The following RORA variants were observed in gnomAD, a reference collection of about 807,000 sequenced individuals.
RORA encodes nuclear receptor ROR-alpha.
In RORA, 7 loss-of-function variants were observed where a neutral mutation model predicts 69.5. The ratio of observed to expected loss-of-function variants is 0.10; its 90% CI spans 0.06 to 0.19. The LOEUF is 0.19. Ranked by LOEUF, RORA falls within the 10% of genes least tolerant of loss-of-function variation. The pLI, the probability that RORA is intolerant of heterozygous loss-of-function variation, is 1.00. For synonymous variants in RORA, 261 were observed against 240.8 expected, an observed-to-expected ratio of 1.08 and a Z score of -0.78; for missense variants, 457 against 663.0, an observed-to-expected ratio of 0.69 and a Z score of 3.41.
rs1309183238 is a variant in RORA, at chr15:61,226,504, C to T, written c.166+2549G>A. Among the ~76,000 whole-genome samples, 3 of 152,204 alleles carry T rather than the reference C, an allele frequency of 2.0e-5. No individual in the cohort carries two copies. Among genetic ancestry groups the T allele is most frequent in the African/African-American group, 7.2e-5 (3 of 41,442 alleles). On this transcript the variant is annotated intron_variant, in intron 1 of 10. Coordinates refer to ENST00000335670, the MANE Select transcript of RORA (RefSeq NM_134261.3). The surrounding 1 kb of genome is among the most constrained non-coding windows in gnomAD (Gnocchi z 4.2). ...CACTCTGGGAGCCGGCTTGCATATTCTGCCAACTCCATTACATCATCTGAA... is the reference window on the plus strand; with the variant it reads ...CACTCTGGGAGCCGGCTTGCATATTTTGCCAACTCCATTACATCATCTGAA...
chr15:60,985,555 T>C (rs1374461343), intron 1 of RORA, among the ~76,000 whole-genome samples: 2 of 151,128 alleles, frequency 1.3e-5, no homozygotes, highest in Non-Finnish European at 2.9e-5. Context: ...GAAAAATTAA[T>C]CTTGTGCTAG....
chr15:60,800,654 G>A (rs896251420), intron 1 of RORA, among the ~76,000 whole-genome samples: 13 of 152,112 alleles, frequency 8.5e-5, no homozygotes, highest in African/African-American at 2.9e-4. Context: ...CCCTGAGCCC[G>A]AGTGTCCTGG....
At chr15:60,700,365 C>G (rs1306171822) in intron 1 of RORA, among the ~76,000 whole-genome samples, 2 of 152,200 alleles carry the variant, frequency 1.3e-5, no homozygotes, top group African/African-American at 4.8e-5. Context: ...TGACCATACC[C>G]CAAATCCTTG....
At chr15:60,864,987 C>T (rs1595776132) in intron 1 of RORA, among the ~76,000 whole-genome samples, 1 of 152,200 alleles carries the variant, frequency 6.6e-6, no homozygotes, top group East Asian at 1.9e-4. Context: ...CAGTAGTAGG[C>T]ATCCACTTTT....
At chr15:60,910,737 A>G (rs1192960719) in intron 1 of RORA, among the ~76,000 whole-genome samples, 1 of 152,156 alleles carries the variant, frequency 6.6e-6, no homozygotes, top group Admixed American at 6.5e-5. Context: ...CTCTTGATAC[A>G]TGCAAAATGC....
intron 1 of RORA, among the ~76,000 whole-genome samples, chr15:61,137,036 AAAG>A (rs2079248704): frequency 7.7e-6 from 1 of 129,334 alleles, no homozygotes; most frequent in Non-Finnish European, 1.6e-5. Flanking sequence ...AGAAAGAAAG[AAAG>A]AAAGAAAGAA....
chr15:61,129,890 C>T (rs1321921566), intron 1 of RORA, among the ~76,000 whole-genome samples: 1 of 152,194 alleles, frequency 6.6e-6, no homozygotes, highest in Non-Finnish European at 1.5e-5. Flanking sequence ...ATCAAAAAGA[C>T]CAACACACAT....
At chr15:60,506,698 CA>C (rs113604907) in intron 5 of RORA, among the ~76,000 whole-genome samples, 8,090 of 150,742 alleles carry the variant, frequency 0.054, 748 homozygotes, top group African/African-American at 0.19. Context: ...ATTAAAAATA[CA>C]AAAAAAAATT....
intron 1 of RORA, among the ~76,000 whole-genome samples, chr15:61,155,703 GA>G (rs962381939): frequency 4.6e-5 from 7 of 151,702 alleles, no homozygotes; most frequent in East Asian, 1.9e-4. Flanking sequence ...GCTGTGAGGG[GA>G]AAAAAAATAA....
In RORA at chr15:60,490,287, C is replaced by A. The variant is rs960876170; in HGVS notation, c.*7168G>T. ...GTTCACAAAAGTAACTTGTCTAGCA[C>A]CACACATCAGAAAAACACAAAAATA... On this transcript the variant is annotated 3_prime_UTR_variant, in exon 11 of 11. Coordinates refer to ENST00000335670, the MANE Select transcript of RORA (RefSeq NM_134261.3). This position sits in a 1 kb window ranked among gnomAD's most constrained non-coding sequence, Gnocchi z 4.1. The A allele has an allele frequency of 6.6e-6, 1 of 151,832 alleles. No individual in the cohort carries two copies. Among genetic ancestry groups the A allele is most frequent in the Non-Finnish European group, 1.5e-5 (1 of 67,940 alleles). 9.4% of individuals were successfully genotyped at this position (151,832 alleles called of 1,614,324 possible).
At position 61,150,781 on chromosome 15, in the gene RORA, T is replaced by A. The variant is rs535239538; in HGVS notation, c.166+78272A>T. ...CAGGGGAAACTATACTTTTCTCTTG[T>A]TCTGTTTAAGGCAATGGTCTGAAAA... On this transcript the variant is annotated intron_variant, in intron 1 of 10. Transcript: ENST00000335670. 3.9e-5 allele frequency among the ~76,000 whole-genome samples: 6 copies of A among 152,318 alleles called. No homozygotes were observed. The South Asian group carries it at 1.2e-3, about 32-fold the overall frequency.
chr15:60,898,532 TA>T (rs1198582466), intron 1 of RORA, among the ~76,000 whole-genome samples: 1 of 143,654 alleles, frequency 7.0e-6, no homozygotes, highest in Non-Finnish European at 1.5e-5. Flanking sequence ...AATAAATAAA[TA>T]AATAAATAAA....
chr15:60,619,763 G>A (rs72748759), intron 2 of RORA, among the ~76,000 whole-genome samples: 22,904 of 152,218 alleles, frequency 0.15, 1,930 homozygotes, highest in Middle Eastern at 0.27. Flanking sequence ...TGGCTCAGGA[G>A]CTGTGAGGTC....
chr15:61,154,194 C>T (rs576878163), intron 1 of RORA, among the ~76,000 whole-genome samples: 1 of 152,266 alleles, frequency 6.6e-6, no homozygotes, highest in South Asian at 2.1e-4. Flanking sequence ...CAACATTACT[C>T]TTTGGGGTCT....
intron 1 of RORA, among the ~76,000 whole-genome samples, chr15:60,755,069 G>A (rs2071778601): frequency 6.7e-6 from 1 of 149,410 alleles, no homozygotes; most frequent in African/African-American, 2.5e-5. Context: ...GTGCCATGTT[G>A]GTGTGCTGCA....
At chr15:60,813,458 C>A in intron 1 of RORA, among the ~76,000 whole-genome samples, 1 of 152,198 alleles carries the variant, frequency 6.6e-6, no homozygotes, top group East Asian at 1.9e-4. Flanking sequence ...CTCTCTTAGG[C>A]TTCAAAATAG....
chr15:60,908,409 C>G (rs1038749181), intron 1 of RORA, among the ~76,000 whole-genome samples: 3 of 152,092 alleles, frequency 2.0e-5, no homozygotes, highest in African/African-American at 7.2e-5. Flanking sequence ...CCTATTTTCC[C>G]CCCTCCATGG....
At chr15:60,880,788 T>C (rs2140446783) in intron 1 of RORA, among the ~76,000 whole-genome samples, 1 of 152,300 alleles carries the variant, frequency 6.6e-6, no homozygotes, top group African/African-American at 2.4e-5. Flanking sequence ...TTTTTATAGA[T>C]ATTCAACATA....
At chr15:61,177,376 G>C (rs2079639156) in intron 1 of RORA, among the ~76,000 whole-genome samples, 1 of 152,112 alleles carries the variant, frequency 6.6e-6, no homozygotes. Flanking sequence ...AAATATGTTT[G>C]TAATTTCAGT....
Sources: gnomAD v4.1 joint callset for allele counts (sites outside exome capture counted in the v4.1 genomes callset) on GRCh38, gnomAD v4.1.1 for gene constraint, Gnocchi (gnomAD v3.1) non-coding constraint, MANE v1.5 for transcripts, NCBI Gene and HGNC (gene_info 2026-07-23, HGNC 2026-07-21) for gene names.